Variants in MYO16 observed in about 807,000 individuals in gnomAD.
MYO16 encodes the protein unconventional myosin-XVI.
In MYO16, 94 loss-of-function variants were observed where a neutral mutation model predicts 205.3. The observed-to-expected ratio is 0.46, with a 90% CI of 0.39 to 0.54. The LOEUF is 0.54. MYO16 is among the 20% of genes least tolerant of loss of function. MYO16 has a pLI of 0.00. For synonymous variants in MYO16, 988 were observed against 954.0 expected, an observed-to-expected ratio of 1.04 and a Z score of -0.66; for missense variants, 2,315 against 2,387.5, an observed-to-expected ratio of 0.97 and a Z score of 0.63.
the MYO16 span, among the ~76,000 whole-genome samples, chr13:108,497,633 G>C: frequency 7.9e-5 from 12 of 152,200 alleles, no homozygotes; most frequent in Non-Finnish European, 1.6e-4. Context: ...TGTGTACTAT[G>C]AGAATTGGGA....
At chr13:109,044,042 G>A (rs1886963969) in intron 23 of MYO16, among the ~76,000 whole-genome samples, 1 of 152,120 alleles carries the variant, frequency 6.6e-6, no homozygotes, top group Non-Finnish European at 1.5e-5. Flanking sequence ...TGAGATGTCA[G>A]AATGAATTTG....
rs538338753 is a variant in MYO16 at position 108,966,426 on chromosome 13, A to G, written c.2369+1524A>G. ...AAATTTTACAGAGCCTTAAATTTATATAATTGGAAATACTTATATAATGGT... is the reference window on the plus strand; with the variant it reads ...AAATTTTACAGAGCCTTAAATTTATGTAATTGGAAATACTTATATAATGGT... On this transcript the variant is annotated intron_variant, in intron 20 of 34. Transcript: ENST00000457511. 9.8e-5 allele frequency among the ~76,000 whole-genome samples: 15 copies of G among 152,342 alleles called. No homozygotes were observed. The South Asian group carries it at 3.1e-3, about 32-fold the overall frequency.
At chr13:109,073,387 A>G (rs904297777) in intron 27 of MYO16, among the ~76,000 whole-genome samples, 3 of 151,528 alleles carry the variant, frequency 2.0e-5, no homozygotes, top group Admixed American at 2.0e-4. Context: ...GTGTGATTAC[A>G]GGCATGAGCC....
At chr13:109,041,491 C>T (rs1319949105) in intron 23 of MYO16, among the ~76,000 whole-genome samples, 1 of 152,148 alleles carries the variant, frequency 6.6e-6, no homozygotes, top group Non-Finnish European at 1.5e-5. Flanking sequence ...AAGCATGTTA[C>T]ACATAGGTTA....
chr13:108,997,336 GAAA>G (rs1885050827), intron 21 of MYO16, among the ~76,000 whole-genome samples: 1 of 5,022 alleles, frequency 2.0e-4, no homozygotes. Context: ...AAGAAAGAAA[GAAA>G]GAGAGAGAGA....
At chr13:108,689,313 A>AT in intron 2 of MYO16, among the ~76,000 whole-genome samples, 1 of 152,256 alleles carries the variant, frequency 6.6e-6, no homozygotes. Context: ...CATTGTGGAC[A>AT]TTAAAATACA....
chr13:108,776,049 G>C (rs1282008858), intron 4 of MYO16, among the ~76,000 whole-genome samples: 1 of 152,118 alleles, frequency 6.6e-6, no homozygotes, highest in African/African-American at 2.4e-5. Context: ...GCTTCACTTG[G>C]TAAAATATTT....
intron 1 of MYO16, among the ~76,000 whole-genome samples, chr13:108,613,791 A>T (rs1470941489): frequency 6.6e-6 from 1 of 152,132 alleles, no homozygotes; most frequent in Admixed American, 6.5e-5. Flanking sequence ...AAGCCAAATG[A>T]TCGTCACAGT....
chr13:108,706,591 A>G (rs1883518604), intron 2 of MYO16, among the ~76,000 whole-genome samples: 1 of 152,170 alleles, frequency 6.6e-6, no homozygotes, highest in Admixed American at 6.5e-5. Flanking sequence ...TATACACTCT[A>G]TGAAGGTAAG....
chr13:109,038,264 G>A (rs1159789930), intron 23 of MYO16, among the ~76,000 whole-genome samples: 1 of 152,176 alleles, frequency 6.6e-6, no homozygotes, highest in Non-Finnish European at 1.5e-5. Flanking sequence ...TCTTCGAGGT[G>A]TTTTGGGAAG....
chr13:108,712,574 T>C, intron 2 of MYO16, 87 bp from the exon 3 acceptor site: 1 of 1,155,446 alleles, frequency 8.7e-7, no homozygotes, highest in Non-Finnish European at 1.3e-6. Context: ...TGTTTGCATT[T>C]TAGATATTAA....
intron 4 of MYO16, among the ~76,000 whole-genome samples, chr13:108,759,515 C>A (rs1248389331): frequency 3.3e-5 from 5 of 152,202 alleles, no homozygotes; most frequent in Admixed American, 3.3e-4. Flanking sequence ...ATGAGGTGAA[C>A]AAAGTATGAT....
chr13:108,601,872 G>A (rs778624299), intron 1 of MYO16, among the ~76,000 whole-genome samples: 10 of 151,992 alleles, frequency 6.6e-5, no homozygotes, highest in Non-Finnish European at 1.5e-4. Flanking sequence ...GGGAGAGTGT[G>A]ACTTTGAAAT....
chr13:108,608,015 A>G (rs1305831944), intron 1 of MYO16, among the ~76,000 whole-genome samples: 4 of 152,206 alleles, frequency 2.6e-5, no homozygotes, highest in Non-Finnish European at 4.4e-5. Context: ...CAGTGTAAAC[A>G]TCATCAAGCT....
In MYO16 at chr13:109,053,395, A is replaced by C. The variant is rs186906083; in HGVS notation, c.3048+920A>C. Among the ~76,000 whole-genome samples, 10 of 152,154 alleles carry C rather than the reference A, an allele frequency of 6.6e-5. No homozygotes were observed. In the East Asian group the frequency reaches 1.9e-3, roughly 29 times the overall value. On this transcript the variant is annotated intron_variant, in intron 25 of 34. Coordinates refer to ENST00000457511, the MANE Select transcript of MYO16 (RefSeq NM_001198950.3). ...TGATGTAGTTGTTTAGAACTAAATG[A>C]TCATGAGAATTAGTCTCTGCCACAT... is the stretch of plus-strand genomic sequence containing the variant.
At chr13:108,822,377 A>G (rs1221906311) in intron 8 of MYO16, among the ~76,000 whole-genome samples, 9 of 152,142 alleles carry the variant, frequency 5.9e-5, no homozygotes, top group Non-Finnish European at 1.0e-4. Flanking sequence ...ACTCTAATTG[A>G]TAGACATAGG....
chr13:108,602,916 C>G (rs902701482), intron 1 of MYO16, among the ~76,000 whole-genome samples: 1 of 152,056 alleles, frequency 6.6e-6, no homozygotes, highest in Non-Finnish European at 1.5e-5. Context: ...AAAAGCATAT[C>G]CTGAATTGAG....
chr13:109,095,919 G>T (rs1888762588), intron 27 of MYO16, among the ~76,000 whole-genome samples: 1 of 152,106 alleles, frequency 6.6e-6, no homozygotes. Context: ...TACTTTTTCA[G>T]TTTTTAAGGG....
At chr13:108,973,013 T>C (rs897441568) in intron 20 of MYO16, among the ~76,000 whole-genome samples, 2 of 151,880 alleles carry the variant, frequency 1.3e-5, no homozygotes, top group Admixed American at 1.3e-4. Context: ...TCTGTAGAGA[T>C]GGGGATCCCA....
Sources: allele counts gnomAD v4.1 joint callset (sites outside exome capture counted in the v4.1 genomes callset), GRCh38; gene constraint gnomAD v4.1.1; transcripts MANE v1.5; gene names NCBI Gene and HGNC (gene_info 2026-07-23, HGNC 2026-07-21).